KLF8: variants seen among roughly 807,000 people sequenced by gnomAD.
The protein encoded by KLF8 is KLF transcription factor 8, also known as Krueppel-like factor 8.
A neutral mutation model predicts 18.2 loss-of-function variants in KLF8; 10 were observed. The observed-to-expected ratio is 0.55, with a 90% CI of 0.34 to 0.93. KLF8 has a LOEUF of 0.93. KLF8 is among the 40% of genes least tolerant of loss of function. The pLI is 0.02. For missense variants in KLF8, 264 were observed against 277.9 expected (o/e 0.95, Z 0.36); for synonymous variants, 109 against 97.3 (o/e 1.12, Z -0.71).
At chrX:55,908,756 C>G in the KLF8 span, 2 of 282,337 alleles carry the variant, frequency 7.1e-6, no homozygotes, top group Non-Finnish European at 1.2e-5. Flanking sequence ...GCCCAGGCCC[C>G]GGGGCTGGGA....
the KLF8 span, among the ~76,000 whole-genome samples, chrX:56,224,651 T>G: frequency 8.9e-6 from 1 of 112,225 alleles, no homozygotes; most frequent in African/African-American, 3.2e-5. Flanking sequence ...TATGTCCTGT[T>G]TTTACACTTA....
At chrX:56,037,785 C>T in the KLF8 span, among the ~76,000 whole-genome samples, 2 of 111,270 alleles carry the variant, frequency 1.8e-5, no homozygotes, top group Non-Finnish European at 3.8e-5. Flanking sequence ...GAGTATCCAT[C>T]CCCTCAAGCA....
the KLF8 span, among the ~76,000 whole-genome samples, chrX:55,976,124 A>C: frequency 1.8e-5 from 2 of 112,139 alleles, no homozygotes; most frequent in Non-Finnish European, 3.8e-5. Flanking sequence ...AAACAAAAAA[A>C]CATGTATTCA....
At chrX:56,073,143 C>T in the KLF8 span, among the ~76,000 whole-genome samples, 6 of 110,048 alleles carry the variant, frequency 5.5e-5, no homozygotes, top group East Asian at 2.9e-4. Context: ...CCCGCCACCA[C>T]GCCCAGCTAA....
At chrX:56,058,193 CAT>C in the KLF8 span, among the ~76,000 whole-genome samples, 10 of 44,916 alleles carry the variant, frequency 2.2e-4, no homozygotes, top group South Asian at 3.4e-3. Flanking sequence ...TATATATATA[CAT>C]ATATATATAC....
the KLF8 span, among the ~76,000 whole-genome samples, chrX:56,203,133 A>G: frequency 8.9e-6 from 1 of 112,146 alleles, no homozygotes; most frequent in African/African-American, 3.2e-5. Context: ...ACTGGAGTGG[A>G]TGACATTTCA....
At chrX:56,186,521 C>A in the KLF8 span, among the ~76,000 whole-genome samples, 1 of 111,024 alleles carries the variant, frequency 9.0e-6, no homozygotes, top group African/African-American at 3.3e-5. Flanking sequence ...CTGCACCAAG[C>A]GGACCTAATA....
At chrX:56,276,153 G>A (rs1369855809) in intron 5 of KLF8, among the ~76,000 whole-genome samples, 8 of 92,130 alleles carry the variant, frequency 8.7e-5, no homozygotes, top group African/African-American at 1.6e-4. Context: ...CCCGCACCTC[G>A]CCCCCGAAAC....
chrX:55,966,800 C>T, the KLF8 span, among the ~76,000 whole-genome samples: 1 of 111,703 alleles, frequency 9.0e-6, no homozygotes, highest in Non-Finnish European at 1.9e-5. Context: ...AGGGACAAAT[C>T]CTGGAGAAAC....
chrX:56,164,418 T>C, the KLF8 span, among the ~76,000 whole-genome samples: 1 of 90,051 alleles, frequency 1.1e-5, no homozygotes, highest in Non-Finnish European at 2.2e-5. Flanking sequence ...AGCTAGTTTA[T>C]GAGGTCAAGG....
chrX:55,993,658 A>T, the KLF8 span, among the ~76,000 whole-genome samples: 1 of 111,795 alleles, frequency 8.9e-6, no homozygotes, highest in Non-Finnish European at 1.9e-5. Flanking sequence ...AATTTTGTGG[A>T]ATAGTTTCTG....
chrX:56,199,975 G>A, the KLF8 span, among the ~76,000 whole-genome samples: 4 of 111,054 alleles, frequency 3.6e-5, no homozygotes, highest in East Asian at 2.8e-4. Flanking sequence ...GGAAACTATC[G>A]CAAGGACAAA....
the KLF8 span, among the ~76,000 whole-genome samples, chrX:56,053,124 GC>G: frequency 8.9e-6 from 1 of 111,965 alleles, no homozygotes; most frequent in Non-Finnish European, 1.9e-5. Flanking sequence ...CCCTGCTTCG[GC>G]TTGCGCACGG....
the KLF8 span, among the ~76,000 whole-genome samples, chrX:55,951,126 C>G: frequency 9.0e-6 from 1 of 111,143 alleles, no homozygotes; most frequent in African/African-American, 3.3e-5. Context: ...ACCAAAATGG[C>G]AATAAGTACT....
At chrX:56,144,737 A>C in the KLF8 span, among the ~76,000 whole-genome samples, 1 of 99,860 alleles carries the variant, frequency 1.0e-5, no homozygotes, top group Non-Finnish European at 2.0e-5. Flanking sequence ...TGGGTGACAC[A>C]GCAAGACTCT....
At chrX:56,157,045 T>A in the KLF8 span, among the ~76,000 whole-genome samples, 2 of 104,251 alleles carry the variant, frequency 1.9e-5, no homozygotes, top group African/African-American at 7.6e-5. Context: ...CATGGAATAC[T>A]ATGCAGCCAT....
chrX:56,080,686 G>A, the KLF8 span, among the ~76,000 whole-genome samples: 3 of 111,128 alleles, frequency 2.7e-5, no homozygotes, highest in African/African-American at 6.5e-5. Flanking sequence ...CTGAATCTGA[G>A]TGTTGGCCTG....
At chrX:56,197,670 C>A in the KLF8 span, among the ~76,000 whole-genome samples, 1 of 111,937 alleles carries the variant, frequency 8.9e-6, no homozygotes, top group Non-Finnish European at 1.9e-5. Context: ...CAAAGAGGGA[C>A]TGGCACCATT....
At chrX:56,260,207 C>G (rs767961547) in intron 2 of KLF8, among the ~76,000 whole-genome samples, 1 of 111,400 alleles carries the variant, frequency 9.0e-6, no homozygotes, top group South Asian at 3.9e-4. Context: ...CCAGCAGGAT[C>G]TCTTCAAGAT....
Sources: allele counts gnomAD v4.1 joint callset (sites outside exome capture counted in the v4.1 genomes callset), GRCh38; gene constraint gnomAD v4.1.1; transcripts MANE v1.5; gene names NCBI Gene and HGNC (gene_info 2026-07-23, HGNC 2026-07-21).